The following CCDC170 variants were observed in gnomAD, a reference collection of about 807,000 sequenced individuals.
CCDC170 encodes coiled-coil domain-containing protein 170.
Under a neutral mutation model 72.6 loss-of-function variants are expected in CCDC170, and 69 were observed. That is an observed-to-expected ratio of 0.95 (90% CI 0.78 to 1.16). The LOEUF (loss-of-function observed/expected upper bound fraction) is 1.16. CCDC170 is among the 50% of genes most tolerant of loss of function. CCDC170 has a pLI of 0.00. For missense variants in CCDC170, 852 were observed against 832.5 expected (o/e 1.02, Z -0.29); for synonymous variants, 300 against 303.9 (o/e 0.99, Z 0.13).
At chr6:151,617,916 C>T in intron 10 of CCDC170, 31 bp from the exon 11 acceptor site, 1 of 1,595,134 alleles carries the variant, frequency 6.3e-7, no homozygotes, top group Middle Eastern at 1.7e-4. Flanking sequence ...TTTTGTTCTC[C>T]CAGTTAATGA....
chr6:151,548,434 A>G lies in CCDC170; in HGVS notation c.719A>G (p.Asn240Ser). 1 of 1,611,252 alleles carries G rather than the reference A, an allele frequency of 6.2e-7. No individual in the cohort carries two copies. Among genetic ancestry groups the G allele is most frequent in the Non-Finnish European group, 8.5e-7 (1 of 1,178,816 alleles). Residue 240 changes from asparagine (N) to serine (S), a missense_variant, in exon 5 of 11, where the codon AAC becomes AGC. By Grantham distance (46) the Asn-to-Ser change is conservative. Transcript: ENST00000239374. Reference sequence around the variant, plus strand: ...ATCATGAGGCTGGCTTCAGAAGTCAACAGAGAGCAGAAAAAAGCTGCCTCC... The same window carrying G: ...ATCATGAGGCTGGCTTCAGAAGTCAGCAGAGAGCAGAAAAAAGCTGCCTCC... ...ETIMRLASEV[N>S]REQKKAASCT...
chr6:151,573,428 C>G lies in CCDC170; in HGVS notation c.1029C>G (p.Ser343=). The change falls in exon 6 of 11, where the codon TCC becomes TCG. Residue 343 remains serine (S), a synonymous_variant. Coordinates refer to ENST00000239374, the MANE Select transcript of CCDC170 (RefSeq NM_025059.4). ...GGGGCAGATTGAGCATGACTGGGTC[C>G]ACTGAGGACACCATTTTGGAGAAGA... is the stretch of plus-strand genomic sequence containing the variant. ...LLRGRLSMTG[S]TEDTILEKIR... The G allele has an allele frequency of 6.2e-7, 1 of 1,614,086 alleles. No individual in the cohort carries two copies. The highest frequency in any genetic ancestry group is 8.5e-7 in the Non-Finnish European group (1 of 1,180,010).
intron 9 of CCDC170, among the ~76,000 whole-genome samples, chr6:151,597,136 T>A (rs192641290): frequency 1.4e-5 from 2 of 144,442 alleles, no homozygotes; most frequent in South Asian, 2.2e-4. Flanking sequence ...TTATAAAAAA[T>A]TTTTTCGAGA....
chr6:151,591,287 A>G (rs956936494), intron 7 of CCDC170, among the ~76,000 whole-genome samples: 1 of 152,228 alleles, frequency 6.6e-6, no homozygotes, highest in Admixed American at 6.5e-5. Flanking sequence ...TAAAATGATG[A>G]TATAGAAAGC....
At chr6:151,494,541 T>G (rs931146516) in intron 1 of CCDC170, among the ~76,000 whole-genome samples, 19 of 152,314 alleles carry the variant, frequency 1.2e-4, no homozygotes, top group Non-Finnish European at 2.6e-4. Context: ...GAAGTGTGCT[T>G]CGGAGCAATT....
intron 7 of CCDC170, among the ~76,000 whole-genome samples, chr6:151,586,548 T>C (rs1430260327): frequency 6.6e-6 from 1 of 152,126 alleles, no homozygotes; most frequent in Non-Finnish European, 1.5e-5. Context: ...AGGAGACAGA[T>C]ACTGTAGGGG....
At chr6:151,606,951 T>G (rs1776795443) in intron 9 of CCDC170, among the ~76,000 whole-genome samples, 1 of 152,194 alleles carries the variant, frequency 6.6e-6, no homozygotes, top group Non-Finnish European at 1.5e-5. Context: ...TTTTGTTTGC[T>G]GAAATTATCT....
intron 9 of CCDC170, among the ~76,000 whole-genome samples, chr6:151,605,604 A>G (rs1776771326): frequency 6.6e-6 from 1 of 152,180 alleles, no homozygotes. Context: ...ATGTTGGGGA[A>G]GTTGGTTGTT....
chr6:151,533,467 A>G (rs1782525930), intron 1 of CCDC170, among the ~76,000 whole-genome samples: 1 of 151,902 alleles, frequency 6.6e-6, no homozygotes, highest in African/African-American at 2.4e-5. Flanking sequence ...TGGGAGTCCA[A>G]GACCAGCCTG....
intron 1 of CCDC170, among the ~76,000 whole-genome samples, chr6:151,528,073 C>T (rs1782438917): frequency 2.0e-5 from 3 of 152,054 alleles, no homozygotes; most frequent in Admixed American, 6.6e-5. Context: ...GACTGTGAGC[C>T]ACCCCGTGAG....
chr6:151,524,811 T>C (rs997363262), intron 1 of CCDC170, among the ~76,000 whole-genome samples: 4 of 152,204 alleles, frequency 2.6e-5, no homozygotes, highest in African/African-American at 7.2e-5. Flanking sequence ...GTATGTACTT[T>C]TAAGACATAA....
chr6:151,589,211 C>T (rs774457495), intron 7 of CCDC170, among the ~76,000 whole-genome samples: 6 of 151,966 alleles, frequency 3.9e-5, no homozygotes, highest in Non-Finnish European at 8.8e-5. Flanking sequence ...GCCAAGATTG[C>T]GCCATTGTAC....
Position 151,538,290 on chromosome 6 carries a change from T to G in CCDC170, c.432T>G (p.Asn144Lys). 6.2e-7 allele frequency: 1 copy of G among 1,612,972 alleles called. No individual in the cohort carries two copies. Among genetic ancestry groups the G allele is most frequent in the Non-Finnish European group, 8.5e-7 (1 of 1,179,650 alleles). The change falls in exon 3 of 11, where the codon AAT (asparagine) becomes AAG (lysine). Residue 144 changes from asparagine to lysine, a missense_variant. Coordinates refer to ENST00000239374, the MANE Select transcript of CCDC170 (RefSeq NM_025059.4). ...TAAAGAAGAAAGTTGTAGAGTTAAA[T>G]GAAAAATTACAGTAAGGATACTGCA... is the stretch of plus-strand genomic sequence containing the variant. Reference protein sequence around the residue: ...QELKKKVVELNEKLQKCSKEN... With the variant: ...QELKKKVVELKEKLQKCSKEN...
chr6:151,582,080 A>G (rs1024796508), intron 6 of CCDC170, among the ~76,000 whole-genome samples: 6 of 152,258 alleles, frequency 3.9e-5, no homozygotes, highest in Admixed American at 1.3e-4. Flanking sequence ...CACCAGCTGC[A>G]TTAACCTCTA....
chr6:151,549,742 A>G (rs1782849468), intron 5 of CCDC170, among the ~76,000 whole-genome samples: 2 of 152,294 alleles, frequency 1.3e-5, no homozygotes, highest in Non-Finnish European at 2.9e-5. Flanking sequence ...GATTTCTTAT[A>G]TACTCTTCTG....
At chr6:151,567,237 T>C (rs1776151241) in intron 5 of CCDC170, among the ~76,000 whole-genome samples, 2 of 152,162 alleles carry the variant, frequency 1.3e-5, no homozygotes, top group Admixed American at 1.3e-4. Flanking sequence ...ACTGTTTTTA[T>C]GTTTTGCTTT....
chr6:151,516,134 A>G (rs1286223901), intron 1 of CCDC170, among the ~76,000 whole-genome samples: 2 of 151,838 alleles, frequency 1.3e-5, no homozygotes, highest in Non-Finnish European at 2.9e-5. Context: ...CAGGGCTGTT[A>G]TCTGTCATAT....
chr6:151,585,266 A>G (rs1057029150), intron 6 of CCDC170, among the ~76,000 whole-genome samples: 6 of 152,170 alleles, frequency 3.9e-5, no homozygotes, highest in Non-Finnish European at 8.8e-5. Flanking sequence ...ATTGACACTG[A>G]CCTTATTTAG....
intron 1 of CCDC170, among the ~76,000 whole-genome samples, chr6:151,495,182 A>G (rs573408311): frequency 6.6e-6 from 1 of 152,250 alleles, no homozygotes; most frequent in East Asian, 1.9e-4. Flanking sequence ...TTTACATCTG[A>G]CCTGTATTTA....
Sources: allele counts gnomAD v4.1 joint callset (sites outside exome capture counted in the v4.1 genomes callset), GRCh38; gene constraint gnomAD v4.1.1; transcripts MANE v1.5; gene names NCBI Gene and HGNC (gene_info 2026-07-23, HGNC 2026-07-21).